ERBB4: variants seen among roughly 807,000 people sequenced by gnomAD.
ERBB4 encodes the protein receptor tyrosine-protein kinase erbB-4.
Under a neutral mutation model 158.0 loss-of-function variants are expected in ERBB4, and 42 were observed. The observed-to-expected ratio is 0.27, with a 90% CI of 0.21 to 0.34. The LOEUF is 0.34. Among genes scored for constraint, ERBB4 ranks in the 10% least tolerant of loss-of-function variants. The pLI is 1.00. For missense variants in ERBB4, 1,333 were observed against 1,624.1 expected (o/e 0.82, Z 3.08); for synonymous variants, 583 against 558.7 (o/e 1.04, Z -0.61).
intron 20 of ERBB4, among the ~76,000 whole-genome samples, chr2:211,545,770 T>A (rs1172450096): frequency 6.6e-6 from 1 of 152,068 alleles, no homozygotes; most frequent in Non-Finnish European, 1.5e-5. Context: ...GTGGGTGATG[T>A]AGTATTGTAA....
intron 1 of ERBB4, among the ~76,000 whole-genome samples, chr2:212,461,974 C>T (rs887255885): frequency 1.2e-4 from 18 of 152,174 alleles, no homozygotes; most frequent in Admixed American, 6.6e-5. Context: ...TGTGAGGCTT[C>T]CCTAGCCACG....
At chr2:211,767,777 T>G (rs1020037144) in intron 4 of ERBB4, among the ~76,000 whole-genome samples, 8 of 152,256 alleles carry the variant, frequency 5.3e-5, no homozygotes, top group Non-Finnish European at 1.0e-4. Context: ...GTCCCTCCTA[T>G]AACACACGGG....
chr2:211,402,061 C>T (rs925483141), intron 25 of ERBB4, among the ~76,000 whole-genome samples: 1 of 151,882 alleles, frequency 6.6e-6, no homozygotes, highest in African/African-American at 2.4e-5. Context: ...TGAACATATT[C>T]ACAAAGAAGA....
At chr2:212,443,103 C>T (rs1434715592) in intron 1 of ERBB4, among the ~76,000 whole-genome samples, 4 of 152,238 alleles carry the variant, frequency 2.6e-5, no homozygotes, top group Admixed American at 6.5e-5. Flanking sequence ...TTTCTCCATT[C>T]CTGTCCGTAA....
At chr2:211,829,255 T>C (rs2077169001) in intron 3 of ERBB4, among the ~76,000 whole-genome samples, 1 of 152,196 alleles carries the variant, frequency 6.6e-6, no homozygotes, top group Non-Finnish European at 1.5e-5. Context: ...ATATGTACTT[T>C]CATTGCGTCC....
chr2:212,047,072 A>C (rs2077277997), intron 2 of ERBB4, among the ~76,000 whole-genome samples: 1 of 152,196 alleles, frequency 6.6e-6, no homozygotes, highest in South Asian at 2.1e-4. Flanking sequence ...TTATTCTCCC[A>C]AAAAGAACAT....
chr2:211,634,317 G>T (rs979280431), intron 16 of ERBB4, among the ~76,000 whole-genome samples: 1 of 151,316 alleles, frequency 6.6e-6, no homozygotes, highest in South Asian at 2.1e-4. Context: ...AAGTACTTTT[G>T]TGTATATTTT....
At chr2:211,453,734 G>T (rs2064307338) in intron 20 of ERBB4, among the ~76,000 whole-genome samples, 1 of 152,090 alleles carries the variant, frequency 6.6e-6, no homozygotes, top group African/African-American at 2.4e-5. Flanking sequence ...AGACGTATTT[G>T]GTGTTAGATC....
At chr2:212,268,777 A>G (rs1205094232) in intron 1 of ERBB4, among the ~76,000 whole-genome samples, 3 of 151,832 alleles carry the variant, frequency 2.0e-5, no homozygotes, top group Non-Finnish European at 4.4e-5. Flanking sequence ...TCCTTGGGTA[A>G]TAGTTTGCCA....
intron 3 of ERBB4, among the ~76,000 whole-genome samples, chr2:211,824,493 G>T (rs569279263): frequency 1.4e-3 from 212 of 151,992 alleles, no homozygotes; most frequent in Non-Finnish European, 1.9e-3. Context: ...GATCTGTCCT[G>T]CAACCAAATT....
chr2:212,028,922 A>C (rs1349613340), intron 2 of ERBB4, among the ~76,000 whole-genome samples: 1 of 152,092 alleles, frequency 6.6e-6, no homozygotes, highest in East Asian at 1.9e-4. Flanking sequence ...ATGTAACTGC[A>C]GAGGTGGGGC....
At chr2:211,959,500 C>T (rs1282682497) in intron 2 of ERBB4, among the ~76,000 whole-genome samples, 1 of 151,972 alleles carries the variant, frequency 6.6e-6, no homozygotes, top group African/African-American at 2.4e-5. Context: ...AAAAAAAATG[C>T]ATTTTTCTTT....
intron 12 of ERBB4, among the ~76,000 whole-genome samples, chr2:211,698,434 T>C (rs79246112): frequency 0.018 from 2,803 of 151,648 alleles, 96 homozygotes; most frequent in African/African-American, 0.065. Flanking sequence ...TAAATAGAAA[T>C]GGTATGATCC....
chr2:212,192,003 A>G (rs2082266714), intron 1 of ERBB4, among the ~76,000 whole-genome samples: 2 of 88,670 alleles, frequency 2.3e-5, no homozygotes, highest in South Asian at 3.2e-4. Flanking sequence ...TATATGTTAT[A>G]TATAATATAT....
chr2:211,849,936 A>G (rs997711198), intron 3 of ERBB4, among the ~76,000 whole-genome samples: 6 of 144,640 alleles, frequency 4.1e-5, no homozygotes, highest in African/African-American at 1.5e-4. Context: ...GGGTTTCTCC[A>G]TGAATCTCAG....
Position 211,622,585 on chromosome 2 carries a change from A to G in ERBB4, c.2202+1337T>C, listed in dbSNP as rs2069645873. Among the ~76,000 whole-genome samples, 5 of 152,236 alleles carry G rather than the reference A, an allele frequency of 3.3e-5. No individual in the cohort carries two copies. In the South Asian group the frequency reaches 1.0e-3, roughly 32 times the overall value. On this transcript the variant is annotated intron_variant, in intron 18 of 27. Coordinates refer to ENST00000342788, the MANE Select transcript of ERBB4 (RefSeq NM_005235.3). ...CTCTGTTTTAAATAGAAAAAAATGA[A>G]TATTTCAAAATGCAACATTTCTAAG...
chr2:211,969,025 C>A (rs546010853), intron 2 of ERBB4, among the ~76,000 whole-genome samples: 4 of 151,950 alleles, frequency 2.6e-5, no homozygotes, highest in African/African-American at 9.6e-5. Flanking sequence ...AGTTACATAA[C>A]AAATAGAGAA....
chr2:212,530,811 G>C (rs1265044552), intron 1 of ERBB4, among the ~76,000 whole-genome samples: 1 of 152,168 alleles, frequency 6.6e-6, no homozygotes, highest in Non-Finnish European at 1.5e-5. Context: ...GAGCAGTAAA[G>C]ATTTAGCAGG....
At chr2:211,748,250 T>C (rs2075030573) in intron 5 of ERBB4, among the ~76,000 whole-genome samples, 1 of 151,850 alleles carries the variant, frequency 6.6e-6, no homozygotes, top group African/African-American at 2.4e-5. Flanking sequence ...AAATAATAAT[T>C]AAAGTAATTA....
Sources: allele counts gnomAD v4.1 joint callset (sites outside exome capture counted in the v4.1 genomes callset), GRCh38; gene constraint gnomAD v4.1.1; transcripts MANE v1.5; gene names NCBI Gene and HGNC (gene_info 2026-07-23, HGNC 2026-07-21).